The following PAXIP1 variants were observed in gnomAD, a reference collection of about 807,000 sequenced individuals.
PAXIP1 encodes PAX interacting protein 1.
In PAXIP1, 19 loss-of-function variants were observed where a neutral mutation model predicts 140.6. The ratio of observed to expected loss-of-function variants is 0.14; its 90% CI spans 0.09 to 0.20. The LOEUF (loss-of-function observed/expected upper bound fraction) is 0.20. Ranked by LOEUF, PAXIP1 falls within the 10% of genes least tolerant of loss-of-function variation. PAXIP1 has a pLI of 1.00. For missense variants in PAXIP1, 920 were observed against 1,208.6 expected (o/e 0.76, Z 3.54); for synonymous variants, 442 against 444.6 (o/e 0.99, Z 0.07).
intron 8 of PAXIP1, among the ~76,000 whole-genome samples, chr7:154,966,668 G>A (rs1809037527): frequency 6.6e-6 from 1 of 152,170 alleles, no homozygotes; most frequent in Admixed American, 6.5e-5. Context: ...TCTCAGAACT[G>A]CTCCCTTCCT....
At chr7:154,993,830 C>A in intron 2 of PAXIP1, 61 bp from the exon 3 acceptor site, 1 of 1,233,210 alleles carries the variant, frequency 8.1e-7, no homozygotes. Context: ...TATTATTTTA[C>A]TAGTGTTGTT....
In PAXIP1 at chr7:154,998,786, T is replaced by TA. The variant is rs767813924; in HGVS notation, c.82-3dup. The TA allele has an allele frequency of 3.1e-6, 5 of 1,607,918 alleles. No individual in the cohort carries two copies. The highest frequency in any genetic ancestry group is 4.5e-5 in the East Asian group (2 of 44,774). On this transcript the variant is annotated splice_region_variant and splice_polypyrimidine_tract_variant and intron_variant, in intron 1 of 20. Coordinates refer to ENST00000404141, the MANE Select transcript of PAXIP1 (RefSeq NM_007349.4). ...TCCAGCCTTGAGAAGCTGAATAACC[T>TA]AAAAAACAAGAAAATCCACACAAAT...
chr7:154,979,005 A>AT (rs1418756053), intron 5 of PAXIP1, among the ~76,000 whole-genome samples: 1 of 152,206 alleles, frequency 6.6e-6, no homozygotes, highest in Non-Finnish European at 1.5e-5. Context: ...CAGCCTTACT[A>AT]TATTTCACTC....
At position 154,968,981 on chromosome 7, in the gene PAXIP1, G is replaced by C; in HGVS notation, c.1220C>G (p.Ala407Gly). 6.5e-7 allele frequency: 1 copy of C among 1,543,050 alleles called. No homozygotes were observed. Among genetic ancestry groups the C allele is most frequent in the South Asian group, 1.2e-5 (1 of 83,090 alleles). ...CGGGTGCTGCTGCTGCTGCTGCTGG[G>C]CCTGCTGCTGCTGCTGTAGCATGTG... ...ETHMLQQQQQ[A>G]QQQQQQHPVL... is the part of the protein sequence containing the mutation. Residue 407 changes from alanine to glycine, a missense_variant, in exon 7 of 21, where the codon GCC becomes GGC. Coordinates refer to ENST00000404141, the MANE Select transcript of PAXIP1 (RefSeq NM_007349.4).
chr7:154,963,437 C>T lies in PAXIP1; in HGVS notation c.1989+234G>A, dbSNP rs552270218. On this transcript the variant is annotated intron_variant, in intron 9 of 20. Coordinates refer to ENST00000404141, the MANE Select transcript of PAXIP1 (RefSeq NM_007349.4). This position sits in a 1 kb window ranked among gnomAD's most constrained non-coding sequence, Gnocchi z 4.1. ...GACCCGTCCACCTCGGCCTCCTGTCCGCCCTTTCTTAACACCACCTGGGAA... is the reference window on the plus strand; with the variant it reads ...GACCCGTCCACCTCGGCCTCCTGTCTGCCCTTTCTTAACACCACCTGGGAA... 7.9e-5 allele frequency among the ~76,000 whole-genome samples: 12 copies of T among 152,228 alleles called. No individual in the cohort carries two copies. The highest frequency in any genetic ancestry group is 2.0e-4 in the Admixed American group (3 of 15,294).
At chr7:154,989,580 C>T (rs779510997) in intron 4 of PAXIP1, among the ~76,000 whole-genome samples, 12 of 152,144 alleles carry the variant, frequency 7.9e-5, no homozygotes, top group South Asian at 2.1e-4. Context: ...AATTATTCCA[C>T]GTAATTTGTA....
chr7:154,975,102 C>T (rs565683197), intron 6 of PAXIP1, among the ~76,000 whole-genome samples: 18 of 146,554 alleles, frequency 1.2e-4, no homozygotes, highest in African/African-American at 2.3e-4. Context: ...GGTTGCAGTG[C>T]GCAGAGATCA....
rs1048707081 is a variant in PAXIP1 at position 154,973,106 on chromosome 7, C to T, written c.1074+2590G>A. 2.0e-5 allele frequency among the ~76,000 whole-genome samples: 3 copies of T among 152,192 alleles called. No homozygotes were observed. The highest frequency in any genetic ancestry group is 7.2e-5 in the African/African-American group (3 of 41,450). On this transcript the variant is annotated intron_variant, in intron 6 of 20. Transcript: ENST00000404141. This position sits in a 1 kb window ranked among gnomAD's most constrained non-coding sequence, Gnocchi z 4.0. ...TGTGCATCTACCTTTTCCCTAAACTCGGCTGACCCCAGCGCTCTCATGGGC... is the reference window on the plus strand; with the variant it reads ...TGTGCATCTACCTTTTCCCTAAACTTGGCTGACCCCAGCGCTCTCATGGGC...
intron 2 of PAXIP1, among the ~76,000 whole-genome samples, chr7:154,996,889 G>A (rs1563392643): frequency 6.6e-6 from 1 of 152,130 alleles, no homozygotes; most frequent in African/African-American, 2.4e-5. Flanking sequence ...CTGGTAGTTG[G>A]CCTGGCAACA....
intron 13 of PAXIP1, among the ~76,000 whole-genome samples, chr7:154,959,624 A>C (rs906507553): frequency 3.3e-5 from 5 of 152,122 alleles, no homozygotes; most frequent in African/African-American, 9.7e-5. Context: ...ACACTATGAA[A>C]ACATTCCCCT....
intron 8 of PAXIP1, among the ~76,000 whole-genome samples, chr7:154,965,874 C>T (rs1808990732): frequency 6.6e-6 from 1 of 152,154 alleles, no homozygotes; most frequent in Admixed American, 6.5e-5. Flanking sequence ...CCACACTGTT[C>T]AGGGGTCAGC....
rs760795123 is a variant in PAXIP1 at position 154,962,476 on chromosome 7, A to G, written c.1990-18T>C. The stretch of plus-strand genomic sequence containing the variant: ...CTTATTGCCTGTCAAACATAAAATT[A>G]TAGGTTTGTTGTTTTTGTTTTTCTG... On this transcript the variant is annotated intron_variant, in intron 9 of 20. Transcript: ENST00000404141. The G allele has an allele frequency of 1.1e-5, 17 of 1,605,824 alleles. No homozygotes were observed. The highest frequency in any genetic ancestry group is 1.4e-5 in the Non-Finnish European group (16 of 1,174,704).
chr7:154,945,460 C>A, intron 20 of PAXIP1: 1 of 857,554 alleles, frequency 1.2e-6, no homozygotes, highest in Non-Finnish European at 1.4e-6. Flanking sequence ...GAAACAGGCA[C>A]ACACGAAGAA....
At position 155,002,920 on chromosome 7, in the gene PAXIP1, G is replaced by A; in HGVS notation, c.10C>T (p.Gln4Ter). The A allele has an allele frequency of 7.5e-7, 1 of 1,341,678 alleles. No homozygotes were observed. 83.1% of individuals were successfully genotyped at this position (1,341,678 alleles called of 1,614,324 possible). MSD[Q>*]APKVPEEMFR... ...ATCTCCTCAGGAACTTTGGGCGCCTGGTCCGACATGATCGCGGCGGCCCGG... is the reference window on the plus strand; with the variant it reads ...ATCTCCTCAGGAACTTTGGGCGCCTAGTCCGACATGATCGCGGCGGCCCGG... Residue 4 changes from glutamine (Q) to a stop codon, truncating the protein, a stop_gained, in exon 1 of 21, where the codon CAG (glutamine) becomes TAG (stop). Transcript: ENST00000404141. LOFTEE classifies it high-confidence loss of function.
intron 5 of PAXIP1, among the ~76,000 whole-genome samples, chr7:154,982,335 G>A (rs1340790015): frequency 6.6e-6 from 1 of 152,124 alleles, no homozygotes; most frequent in Non-Finnish European, 1.5e-5. Context: ...GGTCTGGGAA[G>A]AGGCTGGACA....
At position 154,947,913 on chromosome 7, in the gene PAXIP1, G is replaced by A. The variant is rs1281785903; in HGVS notation, c.2912C>T (p.Pro971Leu). 1 of 1,604,316 alleles carries A rather than the reference G, an allele frequency of 6.2e-7. No homozygotes were observed. The highest frequency in any genetic ancestry group is 8.5e-7 in the Non-Finnish European group (1 of 1,171,044). Residue 971 changes from proline (P) to leucine (L), a missense_variant, in exon 17 of 21, where the codon CCA becomes CTA. Pro to Leu is a moderately conservative substitution (Grantham distance 98). Transcript: ENST00000404141. ...EESLKRAHVS[P>L]LFKAKYFYIT... is the part of the protein sequence containing the mutation. ...TCCCTTAAAGTGTACCTTAAAGAGT[G>A]GAGAAACGTGTGCCCGTTTTAAGGA... is the stretch of plus-strand genomic sequence containing the variant.
chr7:154,964,317 G>C (rs1016614021), intron 8 of PAXIP1: 1 of 152,934 alleles, frequency 6.5e-6, no homozygotes, highest in Non-Finnish European at 1.5e-5. Flanking sequence ...CTCTGTGTCC[G>C]GGCTGTGACA....
chr7:154,993,348 T>C (rs306282), intron 3 of PAXIP1, among the ~76,000 whole-genome samples: 89,324 of 152,080 alleles, frequency 0.59, 26,373 homozygotes, highest in Admixed American at 0.66. Context: ...TAACAATGCA[T>C]GTTATAAATT....
rs1293811816 is a variant in PAXIP1 at position 154,943,806 on chromosome 7, A to T, written c.*343T>A. ...ACATTTCAAATCTTTAACATCCATA[A>T]TTTAGAGATAGCAAGGTCTTTATTT... On this transcript the variant is annotated 3_prime_UTR_variant, in exon 21 of 21. Transcript: ENST00000404141. 1 of 245,986 alleles carries T rather than the reference A, an allele frequency of 4.1e-6. No homozygotes were observed. The highest frequency in any genetic ancestry group is 5.0e-5 in the Admixed American group (1 of 20,032). The allele number at this position is 245,986 out of a possible 1,614,324, so 15.2% of individuals were successfully genotyped here.
Sources: allele counts gnomAD v4.1 joint callset (sites outside exome capture counted in the v4.1 genomes callset), GRCh38; gene constraint gnomAD v4.1.1; non-coding constraint Gnocchi (gnomAD v3.1); transcripts MANE v1.5; gene names NCBI Gene and HGNC (gene_info 2026-07-23, HGNC 2026-07-21).